The following PARP4 variants were observed in gnomAD, a reference collection of about 807,000 sequenced individuals.
The protein encoded by PARP4 is protein mono-ADP-ribosyltransferase PARP4.
PARP4 carries 120 observed loss-of-function variants against 187.7 expected under a neutral mutation model. That is an observed-to-expected ratio of 0.64 (90% confidence interval 0.55 to 0.74). PARP4 has a LOEUF of 0.74. Ranked by LOEUF, PARP4 falls within the 30% of genes least tolerant of loss-of-function variation. The probability of loss-of-function intolerance (pLI) is 0.00; values close to 1 mark genes in which losing one functional copy is unlikely to be tolerated. For missense variants in PARP4, 1,836 were observed against 2,070.5 expected, an observed-to-expected ratio of 0.89 and a Z score of 2.20; for synonymous variants, 654 against 740.9, an observed-to-expected ratio of 0.88 and a Z score of 1.90.
rs1593597232 is a variant in PARP4 at position 24,443,247 on chromosome 13, T to C, written c.3447+403A>G. On this transcript the variant is annotated intron_variant, in intron 28 of 33. Transcript: ENST00000381989. ...TGCTGAGGCCCTGGTCTGCACAGCA[T>C]GGGGGGAGTCAGGTGGGCTTTGGCA... Among the ~76,000 whole-genome samples the C allele has an allele frequency of 2.7e-5, 4 of 149,744 alleles. No individual in the cohort carries two copies. The South Asian group carries it at 8.5e-4, about 32-fold the overall frequency.
rs926796385 is a variant in PARP4 at position 24,426,656 on chromosome 13, T to C, written c.4847-58A>G. On this transcript the variant is annotated intron_variant, in intron 32 of 33. Coordinates refer to ENST00000381989, the MANE Select transcript of PARP4 (RefSeq NM_006437.4). Reference sequence around the variant, plus strand: ...GAAACTCTGCATCTCAAACTGTGCCTGTTTATAAAATTCTCATTAAAGAAT... The same window carrying C: ...GAAACTCTGCATCTCAAACTGTGCCCGTTTATAAAATTCTCATTAAAGAAT... 6.8e-6 allele frequency: 10 copies of C among 1,472,596 alleles called. No individual in the cohort carries two copies. In the South Asian group the frequency reaches 9.7e-5, roughly 14 times the overall value. The allele number at this position is 1,472,596 out of a possible 1,614,324, so 91.2% of individuals were successfully genotyped here. A position where few individuals can be genotyped will look rare whatever the true frequency, so the allele number is the denominator to read the frequency against.
chr13:24,448,056 G>A (rs1407920522), intron 25 of PARP4, among the ~76,000 whole-genome samples: 1 of 144,880 alleles, frequency 6.9e-6, no homozygotes. Flanking sequence ...AATTAGCTGG[G>A]TGTGGTGGTG....
At chr13:24,462,473 G>C (rs1872256301) in intron 17 of PARP4, among the ~76,000 whole-genome samples, 1 of 152,186 alleles carries the variant, frequency 6.6e-6, no homozygotes, top group South Asian at 2.1e-4. Flanking sequence ...ATTTATTTCA[G>C]TCTCTCTTCT....
chr13:24,498,894 A>G (rs2137540287), intron 5 of PARP4, among the ~76,000 whole-genome samples: 1 of 152,362 alleles, frequency 6.6e-6, no homozygotes, highest in African/African-American at 2.4e-5. Context: ...GTTTAATGCC[A>G]TATTGATATT....
intron 28 of PARP4, among the ~76,000 whole-genome samples, chr13:24,443,292 C>G (rs1427108183): frequency 6.6e-6 from 1 of 151,922 alleles, no homozygotes; most frequent in Non-Finnish European, 1.5e-5. Flanking sequence ...GCATTTCGCT[C>G]TCAGGCCTCT....
intron 4 of PARP4, among the ~76,000 whole-genome samples, chr13:24,499,650 G>A (rs983763184): frequency 6.6e-6 from 1 of 152,122 alleles, no homozygotes; most frequent in African/African-American, 2.4e-5. Flanking sequence ...GTCTCCACGC[G>A]GCAGAGGCAG....
At chr13:24,467,033 G>C (rs148780748) in intron 17 of PARP4, among the ~76,000 whole-genome samples, 26 of 152,220 alleles carry the variant, frequency 1.7e-4, no homozygotes, top group African/African-American at 6.3e-4. Flanking sequence ...GGATAAAGCA[G>C]CAAAATTCAA....
Position 24,493,633 on chromosome 13 carries a change from A to G in PARP4, c.842T>C (p.Met281Thr), listed in dbSNP as rs1326302531. Residue 281 changes from methionine (M) to threonine (T), a missense_variant, in exon 8 of 34, where the codon ATG (methionine) becomes ACG (threonine). Transcript: ENST00000381989. Reference sequence around the variant, plus strand: ...AATCCTGTTCACTGGCTTGAGAAGCATGTGTTCCAGGTGGCCCAGGGCCTC... The same window carrying G: ...AATCCTGTTCACTGGCTTGAGAAGCGTGTGTTCCAGGTGGCCCAGGGCCTC... ...WAEALGHLEH[M>T]LLKPVNRISL... The G allele has an allele frequency of 6.2e-7, 1 of 1,613,988 alleles. No homozygotes were observed. Among genetic ancestry groups the G allele is most frequent in the Non-Finnish European group, 8.5e-7 (1 of 1,179,970 alleles).
At chr13:24,484,085 A>G (rs1398386084) in intron 12 of PARP4, among the ~76,000 whole-genome samples, 15 of 152,206 alleles carry the variant, frequency 9.9e-5, no homozygotes. Flanking sequence ...TCCTTTAATT[A>G]GCTCTGCAAC....
At position 24,469,948 on chromosome 13, in the gene PARP4, C is replaced by T. The variant is rs1398575436; in HGVS notation, c.1992G>A (p.Lys664=). 1.2e-6 allele frequency: 2 copies of T among 1,613,794 alleles called. No homozygotes were observed. The highest frequency in any genetic ancestry group is 1.7e-6 in the Non-Finnish European group (2 of 1,179,816). The part of the protein sequence containing the change: ...EAKYIFPLDD[K]AAVCGFEAFI... Reference sequence around the variant, plus strand: ...AGGCTTCGAAGCCACACACAGCGGCCTTGTCATCCAAAGGAAAGATATATT... The same window carrying T: ...AGGCTTCGAAGCCACACACAGCGGCTTTGTCATCCAAAGGAAAGATATATT... The change falls in exon 16 of 34, where the codon AAG becomes AAA. Residue 664 remains lysine (K), a synonymous_variant. Coordinates refer to ENST00000381989, the MANE Select transcript of PARP4 (RefSeq NM_006437.4).
Position 24,452,500 on chromosome 13 carries a change from G to T in PARP4, c.2920C>A (p.Leu974Met). The change falls in exon 24 of 34, where the codon CTG becomes ATG. Residue 974 changes from leucine (L) to methionine (M), a missense_variant. Physicochemically the swap from Leu to Met is conservative, Grantham distance 15. Coordinates refer to ENST00000381989, the MANE Select transcript of PARP4 (RefSeq NM_006437.4). ...YPARGSRNIL[L>M]VSDGHLQDES... ...TCCTGGAGGTGCCCATCAGACACCA[G>T]GAGGATGTTCCGTGACCCTCGAGCA... is the stretch of plus-strand genomic sequence containing the variant. The T allele has an allele frequency of 6.2e-7, 1 of 1,614,102 alleles. No individual in the cohort carries two copies. The highest frequency in any genetic ancestry group is 8.5e-7 in the Non-Finnish European group (1 of 1,179,950).
intron 25 of PARP4, among the ~76,000 whole-genome samples, chr13:24,449,341 T>C (rs1305419407): frequency 7.3e-6 from 1 of 136,896 alleles, no homozygotes; most frequent in Non-Finnish European, 1.5e-5. Flanking sequence ...TGAGCCGAGA[T>C]GGCGCCACTG....
intron 33 of PARP4, among the ~76,000 whole-genome samples, chr13:24,423,613 T>C (rs1869867401): frequency 6.6e-6 from 1 of 152,204 alleles, no homozygotes; most frequent in African/African-American, 2.4e-5. Flanking sequence ...CTCATCTTTC[T>C]TGGCAAACTA....
At chr13:24,489,903 C>T (rs975614089) in intron 10 of PARP4, among the ~76,000 whole-genome samples, 29 of 152,192 alleles carry the variant, frequency 1.9e-4, no homozygotes, top group African/African-American at 7.0e-4. Context: ...CATGGTTTAA[C>T]AACCAGCTCA....
At chr13:24,465,118 A>G (rs9507351) in intron 17 of PARP4, among the ~76,000 whole-genome samples, 77,365 of 151,982 alleles carry the variant, frequency 0.51, 20,008 homozygotes, top group South Asian at 0.65. Flanking sequence ...GAATGGCGAT[A>G]GTTAAAAAAT....
Position 24,434,560 on chromosome 13 carries a change from C to G in PARP4, c.4581G>C (p.Glu1527Asp). The G allele has an allele frequency of 6.2e-7, 1 of 1,613,376 alleles. No individual in the cohort carries two copies. Among genetic ancestry groups the G allele is most frequent in the Non-Finnish European group, 8.5e-7 (1 of 1,179,376 alleles). The change falls in exon 31 of 34, where the codon GAG becomes GAC. Residue 1527 changes from glutamate to aspartate, a missense_variant. By Grantham distance (45) the Glu-to-Asp change is conservative (BLOSUM62 2). Around this residue, in one of 8 missense-constraint regions of PARP4, gnomAD observed 450 missense variants for 439.2 expected, o/e 1.02. Transcript: ENST00000381989. ...AFQSSDTESD[E>D]LSEVLQDSCF... ...AGCTGTCTTGAAGTACTTCTGATAG[C>G]TCATCACTTTCTGTGTCAGAACTTT...
intron 11 of PARP4, among the ~76,000 whole-genome samples, chr13:24,485,377 T>C (rs895309794): frequency 3.9e-5 from 6 of 152,178 alleles, no homozygotes; most frequent in African/African-American, 1.4e-4. Context: ...TTTAAAAAAA[T>C]CTTATTGGTA....
intron 10 of PARP4, among the ~76,000 whole-genome samples, chr13:24,487,946 T>A (rs956248305): frequency 3.9e-5 from 6 of 152,238 alleles, no homozygotes; most frequent in Admixed American, 1.3e-4. Context: ...TTCTTCATAT[T>A]TTTAGATATT....
chr13:24,503,844 T>C (rs569200342), intron 1 of PARP4, 67 bp from the exon 2 acceptor site: 9 of 1,407,792 alleles, frequency 6.4e-6, no homozygotes, highest in East Asian at 4.6e-5. Context: ...AGAATTATTA[T>C]ACAAGCAAAC....
Sources: gnomAD v4.1 joint callset for allele counts (sites outside exome capture counted in the v4.1 genomes callset) on GRCh38, gnomAD v4.1.1 for gene constraint, gnomAD v4.1.1 regional missense constraint, MANE v1.5 for transcripts, NCBI Gene and HGNC (gene_info 2026-07-23, HGNC 2026-07-21) for gene names.